Variants in NBL1 observed in about 807,000 individuals in gnomAD.
NBL1 encodes the protein neuroblastoma suppressor of tumorigenicity 1.
Under a neutral mutation model 16.0 loss-of-function variants are expected in NBL1, and 9 were observed. That is an observed-to-expected ratio of 0.56 (90% CI 0.34 to 0.98). The LOEUF (loss-of-function observed/expected upper bound fraction) is 0.98, where lower values mean the gene tolerates loss of function less well. Ranked by LOEUF, NBL1 falls within the 50% of genes least tolerant of loss-of-function variation. NBL1 has a pLI of 0.02. For synonymous variants in NBL1, 86 were observed against 100.7 expected (o/e 0.85, Z 0.87); for missense variants, 196 against 243.1 (o/e 0.81, Z 1.29).
chr1:19,650,701 C>A (rs983281331), intron 1 of NBL1, among the ~76,000 whole-genome samples: 3 of 151,514 alleles, frequency 2.0e-5, no homozygotes, highest in Non-Finnish European at 2.9e-5. Flanking sequence ...CTGGGTGAGG[C>A]TCTCAAGGCT....
Position 19,657,106 on chromosome 1 carries a change from G to C in NBL1, c.523G>C (p.Glu175Gln). 7.0e-7 allele frequency: 1 copy of C among 1,424,572 alleles called. No individual in the cohort carries two copies. The highest frequency in any genetic ancestry group is 2.3e-5 in the Admixed American group (1 of 43,004). The allele number at this position is 1,424,572 out of a possible 1,614,324, so 88.2% of individuals were successfully genotyped here. A position where few individuals can be genotyped will look rare whatever the true frequency, so the allele number is the denominator to read the frequency against. The change falls in exon 4 of 4, where the codon GAG (glutamate) becomes CAG (glutamine). Residue 175 changes from glutamate to glutamine, a missense_variant. Coordinates refer to ENST00000375136, the MANE Select transcript of NBL1 (RefSeq NM_005380.8). The stretch of plus-strand genomic sequence containing the variant: ...GGACCCCCCTGGGGCCCCCCACACA[G>C]AGGAAGAGGGGGCTGAGGACTGAGG... ...PEDPPGAPHT[E>Q]EEGAED
At position 19,657,031 on chromosome 1, in the gene NBL1, C is replaced by A; in HGVS notation, c.448C>A (p.Pro150Thr). Residue 150 changes from proline (P) to threonine (T), a missense_variant, in exon 4 of 4, where the codon CCT (proline) becomes ACT (threonine). Physicochemically the swap from Pro to Thr is conservative, Grantham distance 38 (BLOSUM62 -1). Transcript: ENST00000375136. The stretch of plus-strand genomic sequence containing the variant: ...GCCGGGATCCCAGCCCGGCACCCAC[C>A]CTCACCCCCATCCCCACCCCCATCC... ...DGPGSQPGTHPHPHPHPHPGG... is the reference protein window; with the variant it reads ...DGPGSQPGTHTHPHPHPHPGG... 1 of 1,561,202 alleles carries A rather than the reference C, an allele frequency of 6.4e-7. No individual in the cohort carries two copies. The highest frequency in any genetic ancestry group is 1.2e-5 in the South Asian group (1 of 85,234).
At chr1:19,645,129 C>G (rs935917149) in intron 1 of NBL1, among the ~76,000 whole-genome samples, 2 of 152,208 alleles carry the variant, frequency 1.3e-5, no homozygotes, top group Non-Finnish European at 2.9e-5. Context: ...GGAGGCTCGC[C>G]TTCCCCCAGC....
intron 1 of NBL1, chr1:19,647,779 G>A (rs2100400169): frequency 1.5e-6 from 1 of 646,416 alleles, no homozygotes; most frequent in African/African-American, 2.0e-5. Flanking sequence ...CCTTTCCACC[G>A]AGGATTTGTC....
At chr1:19,655,474 G>A in intron 3 of NBL1, 39 bp downstream of exon 3, 5 of 1,606,662 alleles carry the variant, frequency 3.1e-6, no homozygotes, top group Non-Finnish European at 4.3e-6. Flanking sequence ...TCTCGGCCCG[G>A]AGCCTGCCCC....
At chr1:19,647,850 G>GGTGTGTGTGTGT (rs71579812) in intron 1 of NBL1, among the ~76,000 whole-genome samples, 1 of 143,280 alleles carries the variant, frequency 7.0e-6, no homozygotes, top group African/African-American at 2.8e-5. Flanking sequence ...GGAAAGGCCT[G>GGTGTGTGTGTGT]GTGTGTGTGT....
At chr1:19,651,320 G>T (rs1195092778) in intron 1 of NBL1, among the ~76,000 whole-genome samples, 2 of 152,178 alleles carry the variant, frequency 1.3e-5, no homozygotes, top group Non-Finnish European at 2.9e-5. Flanking sequence ...GGGCCTGGTG[G>T]GTTGGGTTAT....
rs111232153 is a variant in NBL1, at chr1:19,649,855, C to T, written c.-19-5157C>T. Among the ~76,000 whole-genome samples, 383 of 151,830 alleles carry T rather than the reference C, an allele frequency of 2.5e-3. 6 individuals carry two copies. The highest frequency in any genetic ancestry group is 8.9e-3 in the African/African-American group (368 of 41,354). On this transcript the variant is annotated intron_variant, in intron 1 of 3. Transcript: ENST00000375136. ...TTTTAAATTTTTGTAGAGATGGGAT[C>T]GTCTTATGTTGCCCAGGCTGGTCTT...
chr1:19,656,238 G>T (rs778793916), intron 3 of NBL1, among the ~76,000 whole-genome samples: 4 of 151,958 alleles, frequency 2.6e-5, no homozygotes, highest in African/African-American at 9.7e-5. Context: ...AAGGAAAAAA[G>T]GTACTTAGAT....
At position 19,644,428 on chromosome 1, in the gene NBL1, G is replaced by A; in HGVS notation, c.-38G>A. 1 of 979,026 alleles carries A rather than the reference G, an allele frequency of 1.0e-6. No individual in the cohort carries two copies. Among genetic ancestry groups the A allele is most frequent in the Non-Finnish European group, 1.2e-6 (1 of 827,480 alleles). The allele number at this position is 979,026 out of a possible 1,614,324, so 60.6% of individuals were successfully genotyped here. A position where few individuals can be genotyped will look rare whatever the true frequency, so the allele number is the denominator to read the frequency against. The stretch of plus-strand genomic sequence containing the variant: ...CGCGACCCCCGCACCCAGCTCCGCA[G>A]GACCGGCGGGCGCGCGCGGTAAGTC... On this transcript the variant is annotated 5_prime_UTR_variant, in exon 1 of 4. Transcript: ENST00000375136. This position sits in a 1 kb window ranked among gnomAD's most constrained non-coding sequence, Gnocchi z 4.6.
Position 19,644,935 on chromosome 1 carries a change from C to T in NBL1, c.-20+489C>T, listed in dbSNP as rs2094969327. Among the ~76,000 whole-genome samples the T allele has an allele frequency of 6.6e-6, 1 of 152,174 alleles. No individual in the cohort carries two copies. Among genetic ancestry groups the T allele is most frequent in the South Asian group, 2.1e-4 (1 of 4,832 alleles). ...GCTCCGTTTCCGCCGCTCACTTTCC[C>T]CTGGTCTGCCCGTCTCTTTCCGTTC... is the stretch of plus-strand genomic sequence containing the variant. On this transcript the variant is annotated intron_variant, in intron 1 of 3. Transcript: ENST00000375136. This position sits in a 1 kb window ranked among gnomAD's most constrained non-coding sequence, Gnocchi z 4.6.
intron 3 of NBL1, among the ~76,000 whole-genome samples, chr1:19,656,501 CA>C (rs983312316): frequency 3.1e-4 from 46 of 150,784 alleles, no homozygotes; most frequent in African/African-American, 1.1e-3. Flanking sequence ...GGTGCAGGGT[CA>C]GGGGTAGGGG....
rs2095062555 is a variant in NBL1, at chr1:19,657,402, A to C, written c.*273A>C. The stretch of plus-strand genomic sequence containing the variant: ...GGTGGTCTCTTCCTGTCTGGCTTCT[A>C]GAGATGTGCCTGTGGGAGGGGGAGG... On this transcript the variant is annotated 3_prime_UTR_variant, in exon 4 of 4. Coordinates refer to ENST00000375136, the MANE Select transcript of NBL1 (RefSeq NM_005380.8). The C allele has an allele frequency of 1.4e-5, 3 of 206,930 alleles. No individual in the cohort carries two copies. Among genetic ancestry groups the C allele is most frequent in the African/African-American group, 2.5e-5 (1 of 39,892 alleles). The allele number at this position is 206,930 out of a possible 1,614,324, so 12.8% of individuals were successfully genotyped here.
rs2094965184 is a variant in NBL1 at position 19,644,419 on chromosome 1, A to G, written c.-47A>G. The G allele has an allele frequency of 4.1e-6, 4 of 977,868 alleles. No individual in the cohort carries two copies. The South Asian group carries it at 1.4e-4, about 35-fold the overall frequency. 60.6% of individuals were successfully genotyped at this position (977,868 alleles called of 1,614,324 possible). A position where few individuals can be genotyped will look rare whatever the true frequency, so the allele number is the denominator to read the frequency against. ...GCCCGGGCCCGCGACCCCCGCACCC[A>G]GCTCCGCAGGACCGGCGGGCGCGCG... On this transcript the variant is annotated 5_prime_UTR_variant, in exon 1 of 4. Transcript: ENST00000375136. This position sits in a 1 kb window ranked among gnomAD's most constrained non-coding sequence, Gnocchi z 4.6.
upstream of NBL1, chr1:19,643,731 C>T: frequency 9.2e-7 from 1 of 1,086,334 alleles, no homozygotes; most frequent in Admixed American, 4.8e-5. The surrounding 1 kb of genome is among the most constrained non-coding windows in gnomAD (Gnocchi z 4.7). Context: ...TAACACTAGG[C>T]AAGGCTGAGC....
At chr1:19,647,158 G>A (rs1243547593) in intron 1 of NBL1, among the ~76,000 whole-genome samples, 1 of 152,176 alleles carries the variant, frequency 6.6e-6, no homozygotes, top group African/African-American at 2.4e-5. Flanking sequence ...AGGAAACTGA[G>A]GTACAGAAAG....
At chr1:19,646,357 G>C (rs1183239706) in intron 1 of NBL1, among the ~76,000 whole-genome samples, 2 of 152,142 alleles carry the variant, frequency 1.3e-5, no homozygotes, top group Admixed American at 6.5e-5. Flanking sequence ...TCAGTGGCTC[G>C]AGCTATAACC....
rs1001080705 is a variant in NBL1, at chr1:19,655,262, C to T, written c.170+62C>T. The stretch of plus-strand genomic sequence containing the variant: ...GGGTCCAAGGAGGGAGGAAGAGGAC[C>T]AGGGCTGCCCATCCCTGCCTCCCCA... On this transcript the variant is annotated intron_variant, in intron 2 of 3. Coordinates refer to ENST00000375136, the MANE Select transcript of NBL1 (RefSeq NM_005380.8). 3.1e-6 allele frequency: 5 copies of T among 1,610,980 alleles called. No individual in the cohort carries two copies. The East Asian group carries it at 6.7e-5, about 22-fold the overall frequency.
At chr1:19,649,015 T>C (rs2095004553) in intron 1 of NBL1, among the ~76,000 whole-genome samples, 3 of 152,128 alleles carry the variant, frequency 2.0e-5, no homozygotes, top group South Asian at 4.1e-4. Context: ...TTAACAGGAA[T>C]GAGAGGCGCA....
Sources: gnomAD v4.1 joint callset for allele counts (sites outside exome capture counted in the v4.1 genomes callset) on GRCh38, gnomAD v4.1.1 for gene constraint, Gnocchi (gnomAD v3.1) non-coding constraint, MANE v1.5 for transcripts, NCBI Gene and HGNC (gene_info 2026-07-23, HGNC 2026-07-21) for gene names.